Variants in TMEM178B observed in about 807,000 individuals in gnomAD.
TMEM178B encodes transmembrane protein 178B.
Under a neutral mutation model 31.0 loss-of-function variants are expected in TMEM178B, and 5 were observed. The ratio of observed to expected loss-of-function variants is 0.16; its 90% CI spans 0.08 to 0.34. The LOEUF (loss-of-function observed/expected upper bound fraction) is 0.34, where lower values mean the gene tolerates loss of function less well. Ranked by LOEUF, TMEM178B falls within the 10% of genes least tolerant of loss-of-function variation. The probability of loss-of-function intolerance (pLI) is 1.00; values close to 1 mark genes in which losing one functional copy is unlikely to be tolerated. For missense variants in TMEM178B, 275 were observed against 400.3 expected (o/e 0.69, Z 2.67); for synonymous variants, 164 against 164.0 (o/e 1.00, Z 0.00).
Position 141,344,610 on chromosome 7 carries a change from T to TCCTTCCTC in TMEM178B, c.497-92991_497-92990insCCCTTCCT, listed in dbSNP as rs1449414696. ...TTCCTTCCTTCCTTCCTTCCTTCCT[T>TCCTTCCTC]CCTTCCTTCCTTCCTTCCTCCCTTC... On this transcript the variant is annotated intron_variant, in intron 2 of 3. Transcript: ENST00000565468. This position sits in a 1 kb window ranked among gnomAD's most constrained non-coding sequence, Gnocchi z 4.1. Among the ~76,000 whole-genome samples the TCCTTCCTC allele has an allele frequency of 2.2e-5, 3 of 138,354 alleles. No homozygotes were observed. The highest frequency in any genetic ancestry group is 8.1e-5 in the African/African-American group (3 of 37,026). The allele number at this position is 138,354 out of a possible 152,430, so 90.8% of individuals were successfully genotyped here.
intron 2 of TMEM178B, among the ~76,000 whole-genome samples, chr7:141,396,070 G>A (rs949553697): frequency 1.3e-5 from 2 of 152,138 alleles, no homozygotes; most frequent in Non-Finnish European, 2.9e-5. Flanking sequence ...CCCTGAGAGA[G>A]AGAGTGATGC....
At chr7:141,317,252 A>G (rs1401107917) in intron 2 of TMEM178B, among the ~76,000 whole-genome samples, 1 of 152,130 alleles carries the variant, frequency 6.6e-6, no homozygotes, top group Non-Finnish European at 1.5e-5. Flanking sequence ...GGAGATGCCT[A>G]TAGGGAGGGG....
intron 2 of TMEM178B, among the ~76,000 whole-genome samples, chr7:141,253,163 G>C (rs1225798990): frequency 6.6e-6 from 1 of 152,182 alleles, no homozygotes; most frequent in Non-Finnish European, 1.5e-5. Context: ...TCCCTCCCCT[G>C]GTTCCTCAGG....
chr7:141,325,913 T>G (rs10258837), intron 2 of TMEM178B, among the ~76,000 whole-genome samples: 48,131 of 152,014 alleles, frequency 0.32, 7,804 homozygotes, highest in African/African-American at 0.37. Flanking sequence ...AATAACTGAG[T>G]ATTTTTTCAC....
At chr7:141,410,489 CTCCT>C (rs1278947481) in intron 2 of TMEM178B, among the ~76,000 whole-genome samples, 4 of 115,172 alleles carry the variant, frequency 3.5e-5, no homozygotes, top group Non-Finnish European at 6.7e-5. Context: ...TTTTCTTTCT[CTCCT>C]TCCTTCCTTC....
intron 1 of TMEM178B, among the ~76,000 whole-genome samples, chr7:141,161,746 A>G (rs368865166): frequency 6.6e-6 from 1 of 151,826 alleles, no homozygotes; most frequent in African/African-American, 2.4e-5. Flanking sequence ...GTGTGTCTGT[A>G]TAGGTGAGAG....
chr7:141,106,500 TCA>T (rs916986469), intron 1 of TMEM178B, among the ~76,000 whole-genome samples: 1 of 152,212 alleles, frequency 6.6e-6, no homozygotes, highest in Non-Finnish European at 1.5e-5. Flanking sequence ...GAGTACAAGC[TCA>T]CAGTTATTTC....
At chr7:141,335,468 A>T (rs1162585568) in intron 2 of TMEM178B, among the ~76,000 whole-genome samples, 1 of 152,158 alleles carries the variant, frequency 6.6e-6, no homozygotes, top group Admixed American at 6.5e-5. Context: ...GTTTGACCAG[A>T]TCTCTCCTCA....
intron 3 of TMEM178B, among the ~76,000 whole-genome samples, chr7:141,439,594 A>G (rs988904680): frequency 5.3e-5 from 8 of 152,220 alleles, no homozygotes; most frequent in Non-Finnish European, 1.2e-4. Flanking sequence ...ATAAAAAGAT[A>G]AAAGTGGAGC....
At position 141,229,100 on chromosome 7, in the gene TMEM178B, G is replaced by GGTGTGTGTGTGTGT. The variant is rs3035765; in HGVS notation, c.496+16414_496+16427dup. Among the ~76,000 whole-genome samples the GGTGTGTGTGTGTGT allele has an allele frequency of 7.7e-3, 1,032 of 134,796 alleles. 11 individuals carry two copies. The highest frequency in any genetic ancestry group is 0.023 in the African/African-American group (803 of 35,138). 88.4% of individuals were successfully genotyped at this position (134,796 alleles called of 152,430 possible). A position where few individuals can be genotyped will look rare whatever the true frequency, so the allele number is the denominator to read the frequency against. ...TTTTTGCAAAATGATGTGTGTGTGT[G>GGTGTGTGTGTGTGT]GTGTGTGTGTGTGTGTGTGTGTGTG... On this transcript the variant is annotated intron_variant, in intron 2 of 3. Transcript: ENST00000565468.
At chr7:141,080,361 C>T (rs910544907) in intron 1 of TMEM178B, among the ~76,000 whole-genome samples, 19 of 152,318 alleles carry the variant, frequency 1.2e-4, no homozygotes, top group African/African-American at 4.6e-4. Context: ...TGGCGCACGC[C>T]TGTAATCCCA....
intron 2 of TMEM178B, among the ~76,000 whole-genome samples, chr7:141,404,202 G>A (rs1800839269): frequency 6.6e-6 from 1 of 152,206 alleles, no homozygotes; most frequent in Non-Finnish European, 1.5e-5. Context: ...CTACTCAGGT[G>A]GCTGAGGCAG....
chr7:141,365,388 G>T lies in TMEM178B; in HGVS notation c.497-72220G>T, dbSNP rs117309706. Among the ~76,000 whole-genome samples the T allele has an allele frequency of 9.4e-4, 143 of 152,316 alleles. 3 individuals carry two copies. The East Asian group carries it at 0.026, about 27-fold the overall frequency. ...TGCCCTCGCAGTGTGCTGTGAGATG[G>T]TGGCCACCAGCTTTGGGATTGAGCC... On this transcript the variant is annotated intron_variant, in intron 2 of 3. Transcript: ENST00000565468.
At chr7:141,366,145 C>T (rs1800000563) in intron 2 of TMEM178B, among the ~76,000 whole-genome samples, 2 of 152,144 alleles carry the variant, frequency 1.3e-5, no homozygotes, top group South Asian at 4.1e-4. Context: ...CATGTGCGTT[C>T]CTTTGGAGCT....
At chr7:141,258,961 CTTAGAGTTTACTAAGCT>C (rs1018064243) in intron 2 of TMEM178B, among the ~76,000 whole-genome samples, 8 of 152,180 alleles carry the variant, frequency 5.3e-5, no homozygotes, top group Admixed American at 6.5e-5. Context: ...GTTTTTCCTG[CTTAGAGTTTACTAAGCT>C]TCTTGAATGT....
At chr7:141,364,987 T>C (rs1799979970) in intron 2 of TMEM178B, among the ~76,000 whole-genome samples, 1 of 152,248 alleles carries the variant, frequency 6.6e-6, no homozygotes, top group African/African-American at 2.4e-5. Context: ...TTATTGATGT[T>C]GTAACTCATT....
chr7:141,409,814 A>T (rs1314239833), intron 2 of TMEM178B, among the ~76,000 whole-genome samples: 3 of 151,774 alleles, frequency 2.0e-5, no homozygotes, highest in Non-Finnish European at 2.9e-5. Context: ...CAAGCAGATG[A>T]TCGTCCCTGC....
intron 2 of TMEM178B, among the ~76,000 whole-genome samples, chr7:141,360,017 A>G (rs192808513): frequency 1.5e-4 from 23 of 152,082 alleles, no homozygotes; most frequent in Non-Finnish European, 2.8e-4. Flanking sequence ...TGATTCAATT[A>G]TCTCCCACCG....
At chr7:141,170,495 G>A (rs1796330909) in intron 1 of TMEM178B, among the ~76,000 whole-genome samples, 1 of 152,168 alleles carries the variant, frequency 6.6e-6, no homozygotes, top group Non-Finnish European at 1.5e-5. Context: ...TTCACCTGTA[G>A]ATGGGAACCA....
Sources: gnomAD v4.1 joint callset for allele counts (sites outside exome capture counted in the v4.1 genomes callset) on GRCh38, gnomAD v4.1.1 for gene constraint, Gnocchi (gnomAD v3.1) non-coding constraint, MANE v1.5 for transcripts, NCBI Gene and HGNC (gene_info 2026-07-23, HGNC 2026-07-21) for gene names.